The following NFASC variants were observed in gnomAD, a reference collection of about 807,000 sequenced individuals.
The protein encoded by NFASC is neurofascin.
A neutral mutation model predicts 147.5 loss-of-function variants in NFASC; 43 were observed. The observed-to-expected ratio is 0.29, with a 90% CI of 0.23 to 0.38. The LOEUF (loss-of-function observed/expected upper bound fraction) is 0.38, where lower values mean the gene tolerates loss of function less well. NFASC is among the 10% of genes least tolerant of loss of function. The probability of loss-of-function intolerance (pLI) is 1.00; values close to 1 mark genes in which losing one functional copy is unlikely to be tolerated. For missense variants in NFASC, 1,320 were observed against 1,689.0 expected (o/e 0.78, Z 3.83); for synonymous variants, 622 against 665.5 (o/e 0.93, Z 1.01).
chr1:204,952,961 C>T (rs934578964), intron 5 of NFASC, among the ~76,000 whole-genome samples: 2 of 152,176 alleles, frequency 1.3e-5, no homozygotes, highest in Non-Finnish European at 2.9e-5. Context: ...GAGCTCTGAG[C>T]CTGGGAACCA....
At chr1:204,990,177 C>G (rs1400974737) in intron 23 of NFASC, 2 of 152,272 alleles carry the variant, frequency 1.3e-5, no homozygotes, top group Non-Finnish European at 2.9e-5. Context: ...TCTCAGAAAC[C>G]AGGAGTGAGT....
At chr1:204,883,496 G>A (rs1272672077) in intron 1 of NFASC, among the ~76,000 whole-genome samples, 1 of 152,212 alleles carries the variant, frequency 6.6e-6, no homozygotes, top group Non-Finnish European at 1.5e-5. Flanking sequence ...GGGGTGTGGA[G>A]TATATGTGCT....
chr1:204,974,229 C>T lies in NFASC; in HGVS notation c.1330C>T (p.Leu444Phe), dbSNP rs138932973. The change falls in exon 13 of 30, where the codon CTT becomes TTT. Residue 444 changes from leucine (L) to phenylalanine (F), a missense_variant. Physicochemically the swap from Leu to Phe is conservative, Grantham distance 22. Coordinates refer to ENST00000339876, the MANE Select transcript of NFASC (RefSeq NM_001005388.3). The part of the protein sequence containing the change: ...SPRNQLIRVI[L>F]YNRTRLDCPF... ...CCGGAACCAGCTCATTCGAGTGATTCTTTACAACCGGACGCGGCTGGACTG... is the reference window on the plus strand; with the variant it reads ...CCGGAACCAGCTCATTCGAGTGATTTTTTACAACCGGACGCGGCTGGACTG... 1.2e-6 allele frequency: 2 copies of T among 1,614,160 alleles called. No homozygotes were observed. The highest frequency in any genetic ancestry group is 1.7e-6 in the Non-Finnish European group (2 of 1,180,022).
In NFASC at chr1:205,021,180, C is replaced by A. The variant is rs2096398213; in HGVS notation, c.*4641C>A. ...TCCTTAACCTAGACAGGGGCTACCC[C>A]ATGTGAGTCCAAGCCAGACTTTGTG... On this transcript the variant is annotated 3_prime_UTR_variant, in exon 30 of 30. Transcript: ENST00000339876. 1 of 152,454 alleles carries A rather than the reference C, an allele frequency of 6.6e-6. No homozygotes were observed. The highest frequency in any genetic ancestry group is 2.4e-5 in the African/African-American group (1 of 41,452). The allele number at this position is 152,454 out of a possible 1,614,324, so 9.4% of individuals were successfully genotyped here.
chr1:204,904,155 A>G (rs1161924617), intron 1 of NFASC, among the ~76,000 whole-genome samples: 1 of 152,162 alleles, frequency 6.6e-6, no homozygotes, highest in Admixed American at 6.5e-5. Context: ...GCTGGAGTGC[A>G]GGTACAATTT....
chr1:204,889,676 C>A (rs1388482877), intron 1 of NFASC, among the ~76,000 whole-genome samples: 2 of 152,146 alleles, frequency 1.3e-5, no homozygotes, highest in African/African-American at 4.8e-5. Context: ...AGACGTCCGC[C>A]CCCAGTGTGC....
chr1:204,855,524 A>G (rs2076078137), intron 1 of NFASC, among the ~76,000 whole-genome samples: 1 of 152,160 alleles, frequency 6.6e-6, no homozygotes, highest in South Asian at 2.1e-4. Flanking sequence ...GGGAGGAGGA[A>G]TAGTAAAGAG....
At chr1:204,939,911 C>T (rs1308697663) in intron 2 of NFASC, among the ~76,000 whole-genome samples, 2 of 152,242 alleles carry the variant, frequency 1.3e-5, no homozygotes, top group African/African-American at 4.8e-5. Context: ...CTCTCATACT[C>T]AGAAAGATGG....
chr1:204,932,504 T>A (rs1454226865), intron 2 of NFASC, among the ~76,000 whole-genome samples: 2 of 152,022 alleles, frequency 1.3e-5, no homozygotes, highest in South Asian at 2.1e-4. Flanking sequence ...TTGACAGCGT[T>A]TGCAAAAGGC....
At position 204,968,425 on chromosome 1, in the gene NFASC, A is replaced by G; in HGVS notation, c.818+65A>G. 2.4e-6 allele frequency: 3 copies of G among 1,241,836 alleles called. No homozygotes were observed. The highest frequency in any genetic ancestry group is 3.5e-6 in the Non-Finnish European group (3 of 845,184). The allele number at this position is 1,241,836 out of a possible 1,614,324, so 76.9% of individuals were successfully genotyped here. Reference sequence around the variant, plus strand: ...GGAGGATGGGGATGGGAGCTTGTTCATGCTCTTGTTAATGCCACATTTAGT... The same window carrying G: ...GGAGGATGGGGATGGGAGCTTGTTCGTGCTCTTGTTAATGCCACATTTAGT... On this transcript the variant is annotated intron_variant, in intron 9 of 29. Transcript: ENST00000339876. The surrounding 1 kb of genome is among the most constrained non-coding windows in gnomAD (Gnocchi z 5.4).
chr1:204,999,966 A>C (rs1247334579), intron 25 of NFASC: 1 of 152,228 alleles, frequency 6.6e-6, no homozygotes, highest in African/African-American at 2.4e-5. Flanking sequence ...TCTTTGCTGG[A>C]AAATGGGGTA....
rs76524706 is a variant in NFASC, at chr1:204,863,359, G to A, written c.-200+34577G>A. 1.2e-4 allele frequency among the ~76,000 whole-genome samples: 19 copies of A among 152,304 alleles called. 1 individual carries two copies. The East Asian group carries it at 3.7e-3, about 29-fold the overall frequency. The stretch of plus-strand genomic sequence containing the variant: ...TTTGGGGTCAGATATTGATGGATTT[G>A]ACAGCAAAGCAGTGAAGGATGTTGC... On this transcript the variant is annotated intron_variant, in intron 1 of 29. Transcript: ENST00000339876.
rs1018533519 is a variant in NFASC, at chr1:204,889,621, T to C, written c.-199-31011T>C. Among the ~76,000 whole-genome samples the C allele has an allele frequency of 5.3e-5, 8 of 152,214 alleles. No homozygotes were observed. In the East Asian group the frequency reaches 9.6e-4, roughly 18 times the overall value. On this transcript the variant is annotated intron_variant, in intron 1 of 29. Coordinates refer to ENST00000339876, the MANE Select transcript of NFASC (RefSeq NM_001005388.3). ...AATATCTTCTCAGCCCTGGGGACTT[T>C]GTGTTTCCCTTCCTCCAGGCTATGT...
intron 1 of NFASC, among the ~76,000 whole-genome samples, chr1:204,849,058 C>T (rs567157163): frequency 6.6e-6 from 1 of 152,294 alleles, no homozygotes; most frequent in East Asian, 1.9e-4. Context: ...TCACACACCT[C>T]TGTTAATAGA....
intron 8 of NFASC, among the ~76,000 whole-genome samples, chr1:204,960,206 T>C (rs2094602103): frequency 6.6e-6 from 1 of 152,230 alleles, no homozygotes; most frequent in African/African-American, 2.4e-5. Context: ...CCTGTCACAG[T>C]TTGCCCATTT....
At position 204,987,540 on chromosome 1, in the gene NFASC, T is replaced by C; in HGVS notation, c.2593T>C (p.Phe865Leu). The C allele has an allele frequency of 6.2e-7, 1 of 1,614,176 alleles. No homozygotes were observed. Among genetic ancestry groups the C allele is most frequent in the Non-Finnish European group, 8.5e-7 (1 of 1,180,014 alleles). Residue 865 changes from phenylalanine to leucine, a missense_variant and splice_region_variant, in exon 22 of 30, where the codon TTT becomes CTT. Transcript: ENST00000339876. This position sits in a 1 kb window ranked among gnomAD's most constrained non-coding sequence, Gnocchi z 4.4. ...TGGATACACTCTCAAATATGTGGCC[T>C]GTACGTTCTGCCCTTCCCTTTCTCT... ...MIGYTLKYVAFNGTKVGKQIV... is the reference protein window; with the variant it reads ...MIGYTLKYVALNGTKVGKQIV...
intron 21 of NFASC, chr1:204,985,945 C>G: frequency 6.2e-7 from 1 of 1,613,758 alleles, no homozygotes; most frequent in Non-Finnish European, 8.5e-7. Context: ...TGCTGAAGAA[C>G]CTGTGGGTGT....
At position 204,975,327 on chromosome 1, in the gene NFASC, G is replaced by T. The variant is rs776446579; in HGVS notation, c.1615G>T (p.Val539Leu). The change falls in exon 15 of 30, where the codon GTG becomes TTG. Residue 539 changes from valine to leucine, a missense_variant. Val to Leu is a conservative substitution (Grantham distance 32). This residue lies in a region of NFASC where 981 missense variants were observed against 1,289.5 expected (regional missense o/e 0.76). Transcript: ENST00000339876. This position sits in a 1 kb window ranked among gnomAD's most constrained non-coding sequence, Gnocchi z 4.0. ...CCAGGTGGCCAGAAGGGGCACCACG[G>T]TGCAGCTGGAGTGTCGGGTGAAGCA... ...EDQVARRGTTVQLECRVKHDP... is the reference protein window; with the variant it reads ...EDQVARRGTTLQLECRVKHDP... The T allele has an allele frequency of 1.2e-6, 2 of 1,614,098 alleles. No individual in the cohort carries two copies. The highest frequency in any genetic ancestry group is 1.3e-5 in the African/African-American group (1 of 75,046).
intron 1 of NFASC, among the ~76,000 whole-genome samples, chr1:204,868,470 C>T (rs2077299818): frequency 6.6e-6 from 1 of 152,176 alleles, no homozygotes; most frequent in Admixed American, 6.5e-5. Flanking sequence ...TTGGCACGGG[C>T]TGTCCTCTGT....
Sources: allele counts gnomAD v4.1 joint callset (sites outside exome capture counted in the v4.1 genomes callset), GRCh38; gene constraint gnomAD v4.1.1; regional missense constraint gnomAD v4.1.1; non-coding constraint Gnocchi (gnomAD v3.1); transcripts MANE v1.5; gene names NCBI Gene and HGNC (gene_info 2026-07-23, HGNC 2026-07-21).